The following OXSR1 variants were observed in gnomAD, a reference collection of about 807,000 sequenced individuals.
OXSR1 encodes the protein serine/threonine-protein kinase OSR1.
Under a neutral mutation model 79.8 loss-of-function variants are expected in OXSR1, and 24 were observed. That is an observed-to-expected ratio of 0.30 (90% confidence interval 0.22 to 0.42). The LOEUF is 0.42. OXSR1 is among the 10% of genes least tolerant of loss of function. The pLI is 1.00. For missense variants in OXSR1, 430 were observed against 618.4 expected (o/e 0.70, Z 3.23); for synonymous variants, 226 against 209.2 (o/e 1.08, Z -0.69).
chr3:38,239,314 A>ACATCTAGTAATCTGATTAG (rs1383959064), intron 11 of OXSR1, among the ~76,000 whole-genome samples: 2 of 152,190 alleles, frequency 1.3e-5, no homozygotes, highest in African/African-American at 4.8e-5. Flanking sequence ...ATTAGATGCC[A>ACATCTAGTAATCTGATTAG]AACATTGTAA....
chr3:38,166,122 G>T (rs1701448171), intron 1 of OXSR1, among the ~76,000 whole-genome samples, 176 bp downstream of exon 1: 1 of 151,938 alleles, frequency 6.6e-6, no homozygotes, highest in Non-Finnish European at 1.5e-5. Context: ...ACGGGAAGGG[G>T]GTTTTGAGGC....
rs1279634158 is a variant in OXSR1, at chr3:38,165,661, A to G, written c.-216A>G. The G allele has an allele frequency of 5.7e-6, 3 of 527,762 alleles. No homozygotes were observed. Among genetic ancestry groups the G allele is most frequent in the Non-Finnish European group, 6.7e-6 (2 of 299,892 alleles). The allele number at this position is 527,762 out of a possible 1,614,324, so 32.7% of individuals were successfully genotyped here. The stretch of plus-strand genomic sequence containing the variant: ...CTGGGCCGGGCAGTGCCGGACTCGG[A>G]GGAGCAGGAGGCGAGGTCCGCCGGA... On this transcript the variant is annotated 5_prime_UTR_variant, in exon 1 of 18. Coordinates refer to ENST00000311806, the MANE Select transcript of OXSR1 (RefSeq NM_005109.3).
intron 3 of OXSR1, among the ~76,000 whole-genome samples, chr3:38,195,425 C>G (rs1458157128): frequency 6.6e-6 from 1 of 152,122 alleles, no homozygotes; most frequent in Non-Finnish European, 1.5e-5. Flanking sequence ...GTTCAAGCAA[C>G]AATGCAGGGT....
chr3:38,178,043 G>A (rs1043997651), intron 1 of OXSR1, among the ~76,000 whole-genome samples: 20 of 152,176 alleles, frequency 1.3e-4, no homozygotes, highest in Non-Finnish European at 2.5e-4. Context: ...CTGCCTCCCA[G>A]CTTCAAGCAA....
intron 4 of OXSR1, among the ~76,000 whole-genome samples, chr3:38,206,875 C>T (rs190282595): frequency 1.3e-5 from 2 of 152,270 alleles, no homozygotes; most frequent in East Asian, 3.9e-4. Context: ...AATTGGGTGA[C>T]CTCTGGCAAG....
At chr3:38,208,492 T>C (rs944299355) in intron 4 of OXSR1, among the ~76,000 whole-genome samples, 1 of 152,234 alleles carries the variant, frequency 6.6e-6, no homozygotes, top group Non-Finnish European at 1.5e-5. Flanking sequence ...TCTTTTTCTT[T>C]GTAAGACTGA....
At chr3:38,231,304 C>T (rs1327624604) in intron 10 of OXSR1, among the ~76,000 whole-genome samples, 4 of 151,790 alleles carry the variant, frequency 2.6e-5, no homozygotes, top group African/African-American at 7.3e-5. Context: ...GGCTATAATG[C>T]ATCGTTACAT....
chr3:38,241,044 A>G lies in OXSR1; in HGVS notation c.1075-1699A>G, dbSNP rs539990309. The stretch of plus-strand genomic sequence containing the variant: ...AGGGGGAAGTTTTGATAAGCAGGAT[A>G]TTTTCAAGGTCTTAAAGTGTGCCCC... On this transcript the variant is annotated intron_variant, in intron 11 of 17. Transcript: ENST00000311806. Among the ~76,000 whole-genome samples, 302 of 152,240 alleles carry G rather than the reference A, an allele frequency of 2.0e-3. 1 individual carries two copies. The highest frequency in any genetic ancestry group is 7.1e-3 in the African/African-American group (295 of 41,556).
Position 38,211,911 on chromosome 3 carries a change from G to A in OXSR1, c.435-4185G>A, listed in dbSNP as rs1049328822. Among the ~76,000 whole-genome samples, 76 of 152,302 alleles carry A rather than the reference G, an allele frequency of 5.0e-4. 1 individual carries two copies. The highest frequency in any genetic ancestry group is 1.8e-3 in the African/African-American group (76 of 41,570). ...GGGAAGGGTGTGTTTTGGGTCAAGG[G>A]CCTGTATAGTAGTGATGAAAGTTTG... On this transcript the variant is annotated intron_variant, in intron 4 of 17. Transcript: ENST00000311806.
intron 2 of OXSR1, among the ~76,000 whole-genome samples, chr3:38,185,661 T>C (rs1701871755): frequency 6.9e-6 from 1 of 145,544 alleles, no homozygotes; most frequent in African/African-American, 2.6e-5. Context: ...AAGAACCTGC[T>C]GCTAGGGGTG....
intron 2 of OXSR1, among the ~76,000 whole-genome samples, chr3:38,187,782 C>T (rs1168671422): frequency 6.6e-6 from 1 of 152,014 alleles, no homozygotes; most frequent in Non-Finnish European, 1.5e-5. Flanking sequence ...GGCGGAGTCT[C>T]ACTCTGTTGC....
intron 10 of OXSR1, 56 bp downstream of exon 10, chr3:38,230,486 G>A (rs1246256047): frequency 2.6e-6 from 3 of 1,166,308 alleles, no homozygotes; most frequent in East Asian, 4.7e-5. Flanking sequence ...TTTGCATTTT[G>A]AAAACATGTT....
chr3:38,234,352 A>G (rs751889743), intron 10 of OXSR1, among the ~76,000 whole-genome samples: 1 of 152,220 alleles, frequency 6.6e-6, no homozygotes, highest in African/African-American at 2.4e-5. Context: ...AATCATATAT[A>G]TGATAAGGGA....
intron 9 of OXSR1, 143 bp downstream of exon 9, chr3:38,229,878 G>A (rs1702769667): frequency 3.0e-6 from 2 of 664,646 alleles, no homozygotes; most frequent in Non-Finnish European, 5.3e-6. Context: ...TATGTATACA[G>A]TCTTTGATAA....
intron 2 of OXSR1, among the ~76,000 whole-genome samples, chr3:38,184,954 G>GTTTTTTTT (rs1559503629): frequency 1.0e-5 from 1 of 96,228 alleles, no homozygotes; most frequent in Non-Finnish European, 2.0e-5. Context: ...TTTTTTTTGG[G>GTTTTTTTT]TTTCTTTGAG....
At chr3:38,188,690 A>G (rs1297984193) in intron 2 of OXSR1, among the ~76,000 whole-genome samples, 1 of 152,154 alleles carries the variant, frequency 6.6e-6, no homozygotes, top group African/African-American at 2.4e-5. Flanking sequence ...TATACTTTCA[A>G]AGTCCTTTAT....
At chr3:38,241,424 A>T (rs1201484166) in intron 11 of OXSR1, among the ~76,000 whole-genome samples, 1 of 152,170 alleles carries the variant, frequency 6.6e-6, no homozygotes, top group East Asian at 1.9e-4. Context: ...TACAAAGGAC[A>T]TTAGTGTTGA....
chr3:38,223,882 C>G lies in OXSR1; in HGVS notation c.671C>G (p.Ala224Gly), dbSNP rs762812182. The change falls in exon 7 of 18, where the codon GCG becomes GGG. Residue 224 changes from alanine to glycine, a missense_variant. Coordinates refer to ENST00000311806, the MANE Select transcript of OXSR1 (RefSeq NM_005109.3). The stretch of plus-strand genomic sequence containing the variant: ...ACAGCAATTGAATTGGCTACAGGGG[C>G]GGCTCCTTATCATAAATATCCACCA... ...GITAIELATG[A>G]APYHKYPPMK... The G allele has an allele frequency of 1.9e-6, 3 of 1,604,418 alleles. No homozygotes were observed. The highest frequency in any genetic ancestry group is 2.6e-6 in the Non-Finnish European group (3 of 1,174,022).
chr3:38,214,095 G>A (rs1184159383), intron 4 of OXSR1, among the ~76,000 whole-genome samples: 3 of 151,816 alleles, frequency 2.0e-5, no homozygotes, highest in Non-Finnish European at 4.4e-5. Context: ...GAGTTAGGAG[G>A]TGGGGAGTAG....
Sources: gnomAD v4.1 joint callset for allele counts (sites outside exome capture counted in the v4.1 genomes callset) on GRCh38, gnomAD v4.1.1 for gene constraint, MANE v1.5 for transcripts, NCBI Gene and HGNC (gene_info 2026-07-23, HGNC 2026-07-21) for gene names.